Variants in MIEF2 observed in about 807,000 individuals in gnomAD.
The protein encoded by MIEF2 is mitochondrial elongation factor 2.
Under a neutral mutation model 7.4 loss-of-function variants are expected in MIEF2, and 1 was observed. The ratio of observed to expected loss-of-function variants is 0.14; its 90% confidence interval spans 0.05 to 0.64. The LOEUF (loss-of-function observed/expected upper bound fraction) is 0.64. Ranked by LOEUF, MIEF2 falls within the 30% of genes least tolerant of loss-of-function variation. The pLI, the probability that MIEF2 is intolerant of heterozygous loss-of-function variation, is 0.85. For missense variants in MIEF2, 569 were observed against 623.9 expected (o/e 0.91, Z 0.94); for synonymous variants, 275 against 290.5 (o/e 0.95, Z 0.54).
At chr17:18,261,626 A>G (rs1978421210) in intron 1 of MIEF2, among the ~76,000 whole-genome samples, 1 of 152,182 alleles carries the variant, frequency 6.6e-6, no homozygotes, top group Non-Finnish European at 1.5e-5. Context: ...ACTGGGCCCT[A>G]GGAGATCTTT....
rs765542847 is a variant in MIEF2, at chr17:18,263,110, C to T, written c.172C>T (p.Arg58Trp). ...KRFIDRATSP[R>W]DEDDTKADSW... ...GTTCATTGACAGGGCCACTAGCCCG[C>T]GGGATGAGGATGACACCAAGGCAGA... Residue 58 changes from arginine (R) to tryptophan (W), a missense_variant, in exon 3 of 4, where the codon CGG becomes TGG. Transcript: ENST00000323019. 5 of 1,613,460 alleles carry T rather than the reference C, an allele frequency of 3.1e-6. No homozygotes were observed. The highest frequency in any genetic ancestry group is 2.5e-6 in the Non-Finnish European group (3 of 1,179,954).
Position 18,264,285 on chromosome 17 carries a change from C to G in MIEF2, c.886C>G (p.Arg296Gly). The change falls in exon 4 of 4, where the codon CGC becomes GGC. Residue 296 changes from arginine to glycine, a missense_variant. Physicochemically the swap from Arg to Gly is moderately radical, Grantham distance 125. Coordinates refer to ENST00000323019, the MANE Select transcript of MIEF2 (RefSeq NM_139162.4). Reference sequence around the variant, plus strand: ...GCTGCTGCTCGAGGTGCAGCACGAACGCCTGGAGCTCACTGTGGCTGTGCT... The same window carrying G: ...GCTGCTGCTCGAGGTGCAGCACGAAGGCCTGGAGCTCACTGTGGCTGTGCT... ...EELLLEVQHERLELTVAVLVA... is the reference protein window; with the variant it reads ...EELLLEVQHEGLELTVAVLVA... 2 of 1,606,970 alleles carry G rather than the reference C, an allele frequency of 1.2e-6. No individual in the cohort carries two copies. Among genetic ancestry groups the G allele is most frequent in the South Asian group, 1.1e-5 (1 of 91,086 alleles).
rs372507546 is a variant in MIEF2 at position 18,264,124 on chromosome 17, G to A, written c.725G>A (p.Arg242His). The A allele has an allele frequency of 3.3e-5, 51 of 1,555,794 alleles. No homozygotes were observed. Among genetic ancestry groups the A allele is most frequent in the African/African-American group, 1.1e-4 (8 of 73,830 alleles). Residue 242 changes from arginine (R) to histidine (H), a missense_variant, in exon 4 of 4, where the codon CGC becomes CAC. By Grantham distance (29) the Arg-to-His change is conservative. Transcript: ENST00000323019. ...FCPRGSSPWD[R>H]FLVGGYLSSR... Reference sequence around the variant, plus strand: ...CCCCGTGGGAGCAGCCCCTGGGACCGCTTCCTGGTCGGGGGCTACCTCTCC... The same window carrying A: ...CCCCGTGGGAGCAGCCCCTGGGACCACTTCCTGGTCGGGGGCTACCTCTCC...
chr17:18,262,754 C>T lies in MIEF2; in HGVS notation c.34C>T (p.Arg12Cys), dbSNP rs746830970. The T allele has an allele frequency of 2.2e-5, 35 of 1,608,022 alleles. No individual in the cohort carries two copies. The highest frequency in any genetic ancestry group is 2.7e-5 in the Non-Finnish European group (32 of 1,176,996). Residue 12 changes from arginine to cysteine, a missense_variant, in exon 2 of 4, where the codon CGT (arginine) becomes TGT (cysteine). Transcript: ENST00000323019. ...GTTCTCCCAGAAACGGGGGAAGCGG[C>T]GTAGCGACGAAGGGCTGGGCAGCAT... ...AEFSQKRGKRRSDEGLGSMVD... is the reference protein window; with the variant it reads ...AEFSQKRGKRCSDEGLGSMVD...
At chr17:18,261,761 T>C (rs1978428068) in intron 1 of MIEF2, among the ~76,000 whole-genome samples, 2 of 152,370 alleles carry the variant, frequency 1.3e-5, no homozygotes, top group South Asian at 4.1e-4. Flanking sequence ...GGCCTTCACC[T>C]TACTTTCTGT....
In MIEF2 at chr17:18,264,502, C is replaced by T. The variant is rs201785365; in HGVS notation, c.1103C>T (p.Ser368Leu). The change falls in exon 4 of 4, where the codon TCG (serine) becomes TTG (leucine). Residue 368 changes from serine to leucine, a missense_variant. Coordinates refer to ENST00000323019, the MANE Select transcript of MIEF2 (RefSeq NM_139162.4). ...LLLCAVCRGC[S>L]ALGQLGRGHL... ...CTGTGTGCTGTCTGCCGTGGTTGCT[C>T]GGCTCTGGGGCAGCTAGGCCGGGGT... 3.0e-5 allele frequency: 48 copies of T among 1,608,068 alleles called. No homozygotes were observed. In the East Asian group the frequency reaches 7.8e-4, roughly 26 times the overall value.
Position 18,263,268 on chromosome 17 carries a change from C to T in MIEF2, c.310+20C>T. ...CCCCAGGTGAGTGGCACTCCTTCCC[C>T]TCTTTTGGTGTCACATTCAAGAGAC... On this transcript the variant is annotated intron_variant, in intron 3 of 3. Transcript: ENST00000323019. The T allele has an allele frequency of 1.9e-6, 3 of 1,613,774 alleles. No individual in the cohort carries two copies. The highest frequency in any genetic ancestry group is 2.2e-5 in the South Asian group (2 of 91,080).
chr17:18,264,990 C>T lies in MIEF2; in HGVS notation c.*226C>T, dbSNP rs1222109202. On this transcript the variant is annotated 3_prime_UTR_variant, in exon 4 of 4. Transcript: ENST00000323019. ...CTGAGTGCAGCTGGGCTGCCTCAGG[C>T]AGCTTGGAGTGCCAGCCATTCCTGC... 2.9e-6 allele frequency: 2 copies of T among 698,504 alleles called. No individual in the cohort carries two copies. The highest frequency in any genetic ancestry group is 4.3e-6 in the Non-Finnish European group (2 of 460,370). The allele number at this position is 698,504 out of a possible 1,614,324, so 43.3% of individuals were successfully genotyped here.
intron 1 of MIEF2, among the ~76,000 whole-genome samples, chr17:18,262,186 C>T (rs904819749): frequency 1.3e-5 from 2 of 152,198 alleles, no homozygotes; most frequent in African/African-American, 2.4e-5. Context: ...AGGGAGAATC[C>T]GTCAGACTCT....
rs1244683925 is a variant in MIEF2, at chr17:18,261,118, T to C, written c.-8+381T>C. 3.2e-6 allele frequency: 5 copies of C among 1,551,424 alleles called. No homozygotes were observed. The African/African-American group carries it at 5.5e-5, about 17-fold the overall frequency. ...AGCTGGAAGGCTGTGGACTGAGGCC[T>C]GCGCGACCCCGCCAGAGATGGGGCT... is the stretch of plus-strand genomic sequence containing the variant. On this transcript the variant is annotated intron_variant, in intron 1 of 3. Transcript: ENST00000323019.
chr17:18,261,748 C>T (rs1464229277), intron 1 of MIEF2, among the ~76,000 whole-genome samples: 1 of 152,248 alleles, frequency 6.6e-6, no homozygotes, highest in Non-Finnish European at 1.5e-5. Flanking sequence ...AGGCTGGGGC[C>T]CAGGCCTTCA....
At position 18,264,700 on chromosome 17, in the gene MIEF2, A is replaced by T. The variant is rs1252142291; in HGVS notation, c.1301A>T (p.Glu434Val). Residue 434 changes from glutamate (E) to valine (V), a missense_variant, in exon 4 of 4, where the codon GAG becomes GTG. Coordinates refer to ENST00000323019, the MANE Select transcript of MIEF2 (RefSeq NM_139162.4). ...AACCTCTTCAGCAGCTTGCGTGAGGAGGAGATTGACGACATTGGCTATGCG... is the reference window on the plus strand; with the variant it reads ...AACCTCTTCAGCAGCTTGCGTGAGGTGGAGATTGACGACATTGGCTATGCG... ...SVNLFSSLRE[E>V]EIDDIGYALY... 2 of 1,612,628 alleles carry T rather than the reference A, an allele frequency of 1.2e-6. No individual in the cohort carries two copies. The highest frequency in any genetic ancestry group is 1.3e-5 in the African/African-American group (1 of 74,894).
Position 18,266,505 on chromosome 17 carries a change from ACT to A in MIEF2, c.*1744_*1745del, listed in dbSNP as rs1290498538. 2 of 152,198 alleles carry A rather than the reference ACT, an allele frequency of 1.3e-5. No homozygotes were observed. The highest frequency in any genetic ancestry group is 2.4e-5 in the African/African-American group (1 of 41,438). The allele number at this position is 152,198 out of a possible 1,614,324, so 9.4% of individuals were successfully genotyped here. On this transcript the variant is annotated 3_prime_UTR_variant, in exon 4 of 4. Coordinates refer to ENST00000323019, the MANE Select transcript of MIEF2 (RefSeq NM_139162.4). Reference sequence around the variant, plus strand: ...CTCCAGCCTAGGCAACAAGAGTGAAACTCTGTCTCAAAATAAAATAAAATAAA... The same window carrying A: ...CTCCAGCCTAGGCAACAAGAGTGAAACTGTCTCAAAATAAAATAAAATAAA...
chr17:18,264,607 A>G lies in MIEF2; in HGVS notation c.1208A>G (p.Gln403Arg). The G allele has an allele frequency of 1.2e-6, 2 of 1,611,330 alleles. No individual in the cohort carries two copies. The highest frequency in any genetic ancestry group is 1.7e-6 in the Non-Finnish European group (2 of 1,179,998). Residue 403 changes from glutamine to arginine, a missense_variant, in exon 4 of 4, where the codon CAA (glutamine) becomes CGA (arginine). Gln to Arg is a conservative substitution (Grantham distance 43). Transcript: ENST00000323019. ...TEEALGERFL[Q>R]ALELLIGSLE... ...GAGGCCTTGGGTGAGCGCTTCCTGC[A>G]AGCCCTGGAGCTGCTCATCGGCAGC...
At position 18,264,817 on chromosome 17, in the gene MIEF2, A is replaced by T; in HGVS notation, c.*53A>T. ...TTTCTAATGCTGGGGAGCTGCACCC[A>T]CCTCCCTTCCAGGGATTTGAATAGT... On this transcript the variant is annotated 3_prime_UTR_variant, in exon 4 of 4. Coordinates refer to ENST00000323019, the MANE Select transcript of MIEF2 (RefSeq NM_139162.4). 1 of 1,553,828 alleles carries T rather than the reference A, an allele frequency of 6.4e-7. No homozygotes were observed. Among genetic ancestry groups the T allele is most frequent in the South Asian group, 1.2e-5 (1 of 83,368 alleles).
Position 18,264,631 on chromosome 17 carries a change from G to A in MIEF2, c.1232G>A (p.Ser411Asn), listed in dbSNP as rs1169055179. 2.5e-6 allele frequency: 4 copies of A among 1,611,404 alleles called. No homozygotes were observed. The highest frequency in any genetic ancestry group is 1.7e-5 in the Admixed American group (1 of 60,028). The change falls in exon 4 of 4, where the codon AGC (serine) becomes AAC (asparagine). Residue 411 changes from serine (S) to asparagine (N), a missense_variant. Transcript: ENST00000323019. The stretch of plus-strand genomic sequence containing the variant: ...CAAGCCCTGGAGCTGCTCATCGGCA[G>A]CCTGGAGCAGGCCAGCCTGCCCTGC... ...FLQALELLIGSLEQASLPCHF... is the reference protein window; with the variant it reads ...FLQALELLIGNLEQASLPCHF...
chr17:18,260,987 C>T, intron 1 of MIEF2: 2 of 959,614 alleles, frequency 2.1e-6, no homozygotes, highest in Non-Finnish European at 3.2e-6. Context: ...CGCCCGGGCC[C>T]AGGGCAGGCA....
At position 18,264,699 on chromosome 17, in the gene MIEF2, G is replaced by A. The variant is rs1420209929; in HGVS notation, c.1300G>A (p.Glu434Lys). 5 of 1,612,734 alleles carry A rather than the reference G, an allele frequency of 3.1e-6. No homozygotes were observed. The highest frequency in any genetic ancestry group is 4.2e-6 in the Non-Finnish European group (5 of 1,180,034). ...SVNLFSSLRE[E>K]EIDDIGYALY... ...GAACCTCTTCAGCAGCTTGCGTGAGGAGGAGATTGACGACATTGGCTATGC... is the reference window on the plus strand; with the variant it reads ...GAACCTCTTCAGCAGCTTGCGTGAGAAGGAGATTGACGACATTGGCTATGC... Residue 434 changes from glutamate to lysine, a missense_variant, in exon 4 of 4, where the codon GAG becomes AAG. Glu to Lys is a moderately conservative substitution (Grantham distance 56). Transcript: ENST00000323019.
At chr17:18,263,476 A>T (rs760262948) in intron 3 of MIEF2, 5 of 842,734 alleles carry the variant, frequency 5.9e-6, no homozygotes, top group Non-Finnish European at 9.7e-6. Context: ...GAGGGGCGTG[A>T]CATACCTACC....
Sources: allele counts gnomAD v4.1 joint callset (sites outside exome capture counted in the v4.1 genomes callset), GRCh38; gene constraint gnomAD v4.1.1; transcripts MANE v1.5; gene names NCBI Gene and HGNC (gene_info 2026-07-23, HGNC 2026-07-21).